MALRD1: variants seen among roughly 807,000 people sequenced by gnomAD.
MALRD1 encodes MAM and LDL receptor class A domain containing 1.
Under a neutral mutation model 242.1 loss-of-function variants are expected in MALRD1, and 247 were observed. That is an observed-to-expected ratio of 1.02 (90% CI 0.92 to 1.13). The LOEUF (loss-of-function observed/expected upper bound fraction) is 1.13. Ranked by LOEUF, MALRD1 falls within the 50% of genes most tolerant of loss-of-function variation. The probability of loss-of-function intolerance (pLI) is 0.00; values close to 1 mark genes in which losing one functional copy is unlikely to be tolerated. For synonymous variants in MALRD1, 995 were observed against 866.6 expected (o/e 1.15, Z -2.60); for missense variants, 2,989 against 2,533.1 (o/e 1.18, Z -3.86).
intron 26 of MALRD1, among the ~76,000 whole-genome samples, chr10:19,360,168 G>A (rs1484211266): frequency 6.6e-6 from 1 of 152,008 alleles, no homozygotes; most frequent in East Asian, 1.9e-4. Flanking sequence ...ATTACTAAAA[G>A]TATATGAGTA....
chr10:19,569,904 G>A (rs2131469071), intron 33 of MALRD1, among the ~76,000 whole-genome samples: 1 of 151,024 alleles, frequency 6.6e-6, no homozygotes, highest in East Asian at 1.9e-4. Flanking sequence ...AGAGAAGCTT[G>A]AGAGCTTGTA....
intron 31 of MALRD1, among the ~76,000 whole-genome samples, chr10:19,511,008 T>C (rs1051185192): frequency 2.0e-5 from 3 of 152,144 alleles, no homozygotes; most frequent in African/African-American, 7.2e-5. Context: ...AACAACCTTA[T>C]CAAGAGAATT....
chr10:19,123,084 T>C (rs1483204735), intron 5 of MALRD1, among the ~76,000 whole-genome samples: 2 of 152,086 alleles, frequency 1.3e-5, no homozygotes, highest in Admixed American at 6.5e-5. Flanking sequence ...CCAGGGAAGA[T>C]CCACCTTCCA....
chr10:19,394,641 C>T (rs1443320324), intron 28 of MALRD1, among the ~76,000 whole-genome samples: 14 of 152,268 alleles, frequency 9.2e-5, no homozygotes, highest in East Asian at 3.9e-4. Flanking sequence ...ATCCTCTGCA[C>T]GCATATTCAC....
At chr10:19,566,297 A>G (rs1589246833) in intron 32 of MALRD1, among the ~76,000 whole-genome samples, 1 of 117,702 alleles carries the variant, frequency 8.5e-6, no homozygotes, top group Non-Finnish European at 1.7e-5. Flanking sequence ...ATGCCTGGCT[A>G]ATTTTTTTTT....
chr10:19,731,585 CTATACATTAGATCCCCAGAATT>C (rs1411568804), intron 39 of MALRD1, among the ~76,000 whole-genome samples: 1 of 151,878 alleles, frequency 6.6e-6, no homozygotes, highest in Non-Finnish European at 1.5e-5. Flanking sequence ...TAGTCACATG[CTATACATTAGATCCCCAGAATT>C]TATACATCCT....
intron 32 of MALRD1, among the ~76,000 whole-genome samples, chr10:19,564,140 A>G (rs1358097353): frequency 2.6e-5 from 4 of 152,170 alleles, no homozygotes; most frequent in Non-Finnish European, 5.9e-5. Context: ...CTTTATAGAA[A>G]TGCATGCATG....
chr10:19,726,569 C>CGT (rs1564572863), intron 38 of MALRD1, among the ~76,000 whole-genome samples: 1 of 152,056 alleles, frequency 6.6e-6, no homozygotes, highest in Non-Finnish European at 1.5e-5. Context: ...AAAGAGTTAC[C>CGT]GTGTGTTCTA....
intron 33 of MALRD1, among the ~76,000 whole-genome samples, chr10:19,573,835 G>A (rs1413871330): frequency 6.6e-6 from 1 of 152,086 alleles, no homozygotes; most frequent in African/African-American, 2.4e-5. Flanking sequence ...TAAATAATGA[G>A]GTGCTACAAC....
At chr10:19,561,805 G>C (rs887424773) in intron 32 of MALRD1, among the ~76,000 whole-genome samples, 2 of 151,966 alleles carry the variant, frequency 1.3e-5, no homozygotes, top group Non-Finnish European at 2.9e-5. Flanking sequence ...TGGAGAACTA[G>C]AGGGGATGGG....
chr10:19,165,464 G>A (rs1203468719), intron 12 of MALRD1, among the ~76,000 whole-genome samples, 173 bp from the exon 13 acceptor site: 10 of 151,276 alleles, frequency 6.6e-5, no homozygotes, highest in African/African-American at 1.9e-4. Context: ...CACCACACCC[G>A]GCTAATTTTT....
intron 24 of MALRD1, 84 bp downstream of exon 24, chr10:19,331,666 C>G: frequency 2.7e-6 from 3 of 1,126,488 alleles, no homozygotes; most frequent in Non-Finnish European, 3.8e-6. Flanking sequence ...TTGAAACATG[C>G]AGAGTGTGTG....
intron 14 of MALRD1, among the ~76,000 whole-genome samples, chr10:19,185,776 T>C (rs1356799450): frequency 1.3e-5 from 2 of 151,382 alleles, no homozygotes; most frequent in African/African-American, 2.4e-5. Flanking sequence ...AAGGCTTGAA[T>C]TTCCTATAGC....
At chr10:19,620,340 C>A (rs994615975) in intron 36 of MALRD1, among the ~76,000 whole-genome samples, 1 of 151,966 alleles carries the variant, frequency 6.6e-6, no homozygotes, top group Admixed American at 6.6e-5. Flanking sequence ...TCAAGTAGGC[C>A]TCAGTGTTTG....
At chr10:19,173,018 T>A (rs998221717) in intron 13 of MALRD1, among the ~76,000 whole-genome samples, 32 of 152,166 alleles carry the variant, frequency 2.1e-4, no homozygotes, top group South Asian at 2.1e-4. Flanking sequence ...AATTATTATG[T>A]ACATCACATT....
intron 20 of MALRD1, among the ~76,000 whole-genome samples, chr10:19,281,990 A>G (rs2131884132): frequency 6.6e-6 from 1 of 151,486 alleles, no homozygotes; most frequent in South Asian, 2.1e-4. Flanking sequence ...AAAAAAATGA[A>G]CACATAACAT....
At chr10:19,106,353 A>G (rs1362794731) in intron 5 of MALRD1, among the ~76,000 whole-genome samples, 1 of 151,766 alleles carries the variant, frequency 6.6e-6, no homozygotes, top group African/African-American at 2.4e-5. Context: ...CTATCTGTTC[A>G]GATTTTCTCT....
At chr10:19,567,209 T>C (rs548537222) in intron 32 of MALRD1, among the ~76,000 whole-genome samples, 1 of 152,274 alleles carries the variant, frequency 6.6e-6, no homozygotes, top group East Asian at 1.9e-4. Context: ...AAAATTTGTG[T>C]TTATATCTCC....
chr10:19,073,687 A>AT (rs1835229378), intron 2 of MALRD1, among the ~76,000 whole-genome samples: 4 of 152,134 alleles, frequency 2.6e-5, no homozygotes. Context: ...ATATTTCAAA[A>AT]TGTGAAAAAA....
Sources: gnomAD v4.1 joint callset for allele counts (sites outside exome capture counted in the v4.1 genomes callset) on GRCh38, gnomAD v4.1.1 for gene constraint, MANE v1.5 for transcripts, NCBI Gene and HGNC (gene_info 2026-07-23, HGNC 2026-07-21) for gene names.